RELN: variants seen among roughly 807,000 people sequenced by gnomAD.
RELN encodes reelin.
A neutral mutation model predicts 427.6 loss-of-function variants in RELN; 108 were observed. The ratio of observed to expected loss-of-function variants is 0.25; its 90% CI spans 0.22 to 0.30. The LOEUF is 0.30. Among genes scored for constraint, RELN ranks in the 10% least tolerant of loss-of-function variants. The probability of loss-of-function intolerance (pLI) is 1.00; values close to 1 mark genes in which losing one functional copy is unlikely to be tolerated. For synonymous variants in RELN, 1,524 were observed against 1,513.4 expected (o/e 1.01, Z -0.16); for missense variants, 3,715 against 4,302.8 (o/e 0.86, Z 3.82).
intron 6 of RELN, among the ~76,000 whole-genome samples, chr7:103,737,891 C>T (rs1030299202): frequency 7.2e-5 from 11 of 152,014 alleles, no homozygotes; most frequent in African/African-American, 2.7e-4. Flanking sequence ...CTTTCTGTAT[C>T]ATTATCCAAC....
intron 2 of RELN, among the ~76,000 whole-genome samples, chr7:103,856,227 G>A (rs1237889028): frequency 6.6e-6 from 1 of 152,002 alleles, no homozygotes; most frequent in Non-Finnish European, 1.5e-5. Flanking sequence ...CACATAAAAC[G>A]GGGGAGGGGC....
At chr7:103,534,431 G>A (rs1356316981) in intron 46 of RELN, among the ~76,000 whole-genome samples, 2 of 152,162 alleles carry the variant, frequency 1.3e-5, no homozygotes, top group Non-Finnish European at 2.9e-5. Context: ...GAAATGCACA[G>A]ATAATTTAGA....
intron 28 of RELN, among the ~76,000 whole-genome samples, chr7:103,588,571 T>C (rs978767736): frequency 2.6e-5 from 4 of 152,166 alleles, no homozygotes; most frequent in Non-Finnish European, 4.4e-5. Context: ...ATTATGTACA[T>C]GTAACAATAT....
At chr7:103,961,190 G>A (rs1034532076) in intron 1 of RELN, among the ~76,000 whole-genome samples, 3 of 152,184 alleles carry the variant, frequency 2.0e-5, no homozygotes, top group African/African-American at 7.2e-5. Flanking sequence ...TTTTTCAGAA[G>A]ATACTCTCCA....
At chr7:103,820,207 TTTATAAAA>T (rs1332874788) in intron 3 of RELN, among the ~76,000 whole-genome samples, 3 of 152,076 alleles carry the variant, frequency 2.0e-5, no homozygotes, top group Admixed American at 1.3e-4. Flanking sequence ...TTTGGATTTA[TTTATAAAA>T]TTATAAAAGT....
intron 11 of RELN, among the ~76,000 whole-genome samples, chr7:103,674,737 C>T (rs766596016): frequency 6.6e-6 from 1 of 152,070 alleles, no homozygotes; most frequent in African/African-American, 2.4e-5. Flanking sequence ...TCAACACATG[C>T]AAATCAATAA....
In RELN at chr7:103,959,837, C is replaced by T. The variant is rs112569876; in HGVS notation, c.226+29294G>A. ...ATGTTTCCCAACTCCAAGGCTCAAGCGATCCTCTTGCCTCAGCCTCCCAAA... is the reference window on the plus strand; with the variant it reads ...ATGTTTCCCAACTCCAAGGCTCAAGTGATCCTCTTGCCTCAGCCTCCCAAA... On this transcript the variant is annotated intron_variant, in intron 1 of 64. Coordinates refer to ENST00000428762, the MANE Select transcript of RELN (RefSeq NM_005045.4). 7.5e-3 allele frequency among the ~76,000 whole-genome samples: 1,134 copies of T among 151,964 alleles called. 13 individuals carry two copies. Among genetic ancestry groups the T allele is most frequent in the African/African-American group, 0.026 (1,098 of 41,460 alleles).
chr7:103,800,600 A>C (rs1228731987), intron 3 of RELN, among the ~76,000 whole-genome samples: 4 of 152,198 alleles, frequency 2.6e-5, no homozygotes, highest in African/African-American at 9.6e-5. Flanking sequence ...TAAAGACTTA[A>C]ATGTAAGACC....
chr7:103,478,623 A>G, intron 63 of RELN: 1 of 482,056 alleles, frequency 2.1e-6, no homozygotes, highest in Non-Finnish European at 3.7e-6. Flanking sequence ...ATTTGCTCAT[A>G]ACCATATGTT....
At chr7:103,596,248 A>G (rs1303562983) in intron 25 of RELN, among the ~76,000 whole-genome samples, 1 of 152,188 alleles carries the variant, frequency 6.6e-6, no homozygotes, top group Non-Finnish European at 1.5e-5. Flanking sequence ...GCTTTAAAAA[A>G]TCTTTAAAAA....
At chr7:103,582,649 TGCACATCTAAGTAACAAGGAGGCAGAGA>T (rs796978827) in intron 28 of RELN, among the ~76,000 whole-genome samples, 63 of 152,286 alleles carry the variant, frequency 4.1e-4, no homozygotes, top group African/African-American at 1.5e-3. Flanking sequence ...TTTTGAGGTA[TGCACATCTAAGTAACAAGGAGGCAGAGA>T]GCACAACCAG....
chr7:103,636,193 A>C, intron 18 of RELN, 42 bp downstream of exon 18: 1 of 1,248,670 alleles, frequency 8.0e-7, no homozygotes, highest in Non-Finnish European at 1.2e-6. Context: ...ATTCAACATT[A>C]GTATCTGGTT....
intron 6 of RELN, among the ~76,000 whole-genome samples, chr7:103,732,282 C>T (rs1469171851): frequency 6.6e-6 from 1 of 152,020 alleles, no homozygotes; most frequent in Non-Finnish European, 1.5e-5. Context: ...TCAGATTGCC[C>T]ATGGGCTAGT....
At chr7:103,691,334 CG>C (rs775510524) in intron 10 of RELN, among the ~76,000 whole-genome samples, 7 of 151,688 alleles carry the variant, frequency 4.6e-5, no homozygotes, top group African/African-American at 7.3e-5. Flanking sequence ...TAGTCCCCCC[CG>C]CCAAAAAACA....
chr7:103,890,820 G>A (rs10270408), intron 2 of RELN, among the ~76,000 whole-genome samples: 40,214 of 152,130 alleles, frequency 0.26, 5,960 homozygotes, highest in African/African-American at 0.4. Context: ...GCCCACGCCT[G>A]TAATCCCAGC....
At chr7:103,863,303 A>G (rs1039441814) in intron 2 of RELN, among the ~76,000 whole-genome samples, 2 of 152,164 alleles carry the variant, frequency 1.3e-5, no homozygotes, top group Non-Finnish European at 2.9e-5. Context: ...ACCATATGAA[A>G]GAATCATAGA....
At chr7:103,835,822 C>T (rs916175601) in intron 2 of RELN, among the ~76,000 whole-genome samples, 4 of 152,128 alleles carry the variant, frequency 2.6e-5, no homozygotes, top group Non-Finnish European at 5.9e-5. Flanking sequence ...CATATGACAG[C>T]ACCTAGTACC....
chr7:103,737,646 G>C lies in RELN; in HGVS notation c.657-9439C>G, dbSNP rs182462247. On this transcript the variant is annotated intron_variant, in intron 6 of 64. Coordinates refer to ENST00000428762, the MANE Select transcript of RELN (RefSeq NM_005045.4). ...TGTTCAGACAATTATGTTTCTCAAA[G>C]GAATTTTAGTAAGCCAAATCACCAA... Among the ~76,000 whole-genome samples, 361 of 152,238 alleles carry C rather than the reference G, an allele frequency of 2.4e-3. 1 individual carries two copies. Among genetic ancestry groups the C allele is most frequent in the Admixed American group, 4.1e-3 (63 of 15,286 alleles).
At chr7:103,514,393 C>G (rs1208082319) in intron 50 of RELN, among the ~76,000 whole-genome samples, 1 of 152,174 alleles carries the variant, frequency 6.6e-6, no homozygotes, top group African/African-American at 2.4e-5. Context: ...GGCATGGTGG[C>G]TCACGCCTGT....
Sources: gnomAD v4.1 joint callset for allele counts (sites outside exome capture counted in the v4.1 genomes callset) on GRCh38, gnomAD v4.1.1 for gene constraint, MANE v1.5 for transcripts, NCBI Gene and HGNC (gene_info 2026-07-23, HGNC 2026-07-21) for gene names.